Variants in USP4 observed in about 807,000 individuals in gnomAD.
The protein encoded by USP4 is ubiquitin carboxyl-terminal hydrolase 4.
Under a neutral mutation model 118.2 loss-of-function variants are expected in USP4, and 72 were observed. The observed-to-expected ratio is 0.61, with a 90% confidence interval of 0.50 to 0.74. The LOEUF (loss-of-function observed/expected upper bound fraction) is 0.74, where lower values mean the gene tolerates loss of function less well. USP4 is among the 30% of genes least tolerant of loss of function. USP4 has a pLI of 0.00. For synonymous variants in USP4, 415 were observed against 440.4 expected (o/e 0.94, Z 0.72); for missense variants, 1,037 against 1,185.7 (o/e 0.87, Z 1.84).
At chr3:49,289,955 A>C (rs2047135646) in intron 15 of USP4, among the ~76,000 whole-genome samples, 1 of 152,006 alleles carries the variant, frequency 6.6e-6, no homozygotes, top group South Asian at 2.1e-4. Flanking sequence ...ACAAAAAAGA[A>C]AAAAAAAGAA....
rs1448508661 is a variant in USP4 at position 49,286,263 on chromosome 3, C to CTTCTGT, written c.2029_2034dup (p.Thr677_Glu678dup). Reference sequence around the variant, plus strand: ...TTTCCTGGCTCATCTTCCCCACTGCCTTCTGTTTCTGAAAGCTGCTCTTTG... The same window carrying CTTCTGT: ...TTTCCTGGCTCATCTTCCCCACTGCCTTCTGTTTCTGTTTCTGAAAGCTGCTCTTTG... On this transcript the variant is annotated inframe_insertion, in exon 16 of 22. Coordinates refer to ENST00000265560, the MANE Select transcript of USP4 (RefSeq NM_003363.4). 4 of 1,614,136 alleles carry CTTCTGT rather than the reference C, an allele frequency of 2.5e-6. No homozygotes were observed. In the South Asian group the frequency reaches 4.4e-5, roughly 18 times the overall value.
Position 49,277,366 on chromosome 3 carries a change from T to G in USP4, c.*927A>C. On this transcript the variant is annotated 3_prime_UTR_variant, in exon 22 of 22. Transcript: ENST00000265560. ...CCGCGGTGGGAGTGGGGACGGGGCT[T>G]TCGAATGGGGGCCCCGGGAAGAGTC... is the stretch of plus-strand genomic sequence containing the variant. 1 of 646,364 alleles carries G rather than the reference T, an allele frequency of 1.5e-6. No homozygotes were observed. Among genetic ancestry groups the G allele is most frequent in the Non-Finnish European group, 2.3e-6 (1 of 443,226 alleles). The allele number at this position is 646,364 out of a possible 1,614,324, so 40.0% of individuals were successfully genotyped here.
intron 20 of USP4, among the ~76,000 whole-genome samples, chr3:49,279,866 C>T (rs538643490): frequency 6.6e-6 from 1 of 152,252 alleles, no homozygotes; most frequent in South Asian, 2.1e-4. Flanking sequence ...AACTGTAGGC[C>T]CAATGTGGAC....
chr3:49,307,093 A>G (rs1481425095), intron 8 of USP4, among the ~76,000 whole-genome samples: 2 of 152,164 alleles, frequency 1.3e-5, no homozygotes, highest in African/African-American at 4.8e-5. Context: ...TCAAAACCCA[A>G]GGGTTATCTA....
At chr3:49,312,371 C>A in intron 6 of USP4, 1 of 409,456 alleles carries the variant, frequency 2.4e-6, no homozygotes, top group Non-Finnish European at 4.9e-6. Context: ...CGCCTGTCAT[C>A]CCAGCCACTC....
intron 6 of USP4, among the ~76,000 whole-genome samples, chr3:49,315,101 T>C (rs62259898): frequency 6.6e-6 from 1 of 151,260 alleles, no homozygotes. Flanking sequence ...CACAGTAAGA[T>C]TTAAAAAAAA....
intron 6 of USP4, among the ~76,000 whole-genome samples, chr3:49,323,070 C>A (rs191517950): frequency 4.0e-4 from 60 of 151,054 alleles, no homozygotes; most frequent in Non-Finnish European, 7.2e-4. Context: ...CGGGTTCAAG[C>A]GATTCTCCTG....
intron 4 of USP4, 36 bp from the exon 5 acceptor site, chr3:49,325,075 C>G: frequency 1.2e-6 from 2 of 1,602,726 alleles, no homozygotes; most frequent in Non-Finnish European, 1.7e-6. Context: ...GGGGCTTTGT[C>G]CACATGCAAG....
intron 1 of USP4, 108 bp downstream of exon 1, chr3:49,339,816 G>A: frequency 1.2e-6 from 1 of 839,862 alleles, no homozygotes; most frequent in Non-Finnish European, 1.9e-6. Flanking sequence ...ACTCTTCCAG[G>A]GTCACTACAT....
At position 49,339,959 on chromosome 3, in the gene USP4, G is replaced by C. The variant is rs1368243543; in HGVS notation, c.66C>G (p.Pro22=). Residue 22 remains proline, a synonymous_variant, in exon 1 of 22, where the codon CCC becomes CCG. Transcript: ENST00000265560. ...DAETQKSELG[P]LMRTTLQRGA... Reference sequence around the variant, plus strand: ...CGCGTTGGAGTGTGGTCCTCATTAAGGGTCCAAGCTCGGACTTCTGAGTCT... The same window carrying C: ...CGCGTTGGAGTGTGGTCCTCATTAACGGTCCAAGCTCGGACTTCTGAGTCT... The C allele has an allele frequency of 1.2e-6, 2 of 1,613,008 alleles. No homozygotes were observed. Among genetic ancestry groups the C allele is most frequent in the East Asian group, 2.2e-5 (1 of 44,862 alleles).
In USP4 at chr3:49,284,021, C is replaced by G. The variant is rs1278014419; in HGVS notation, c.2506G>C (p.Asp836His). The change falls in exon 19 of 22, where the codon GAT (aspartate) becomes CAT (histidine). Residue 836 changes from aspartate (D) to histidine (H), a missense_variant. Physicochemically the swap from Asp to His is moderately conservative, Grantham distance 81. Coordinates refer to ENST00000265560, the MANE Select transcript of USP4 (RefSeq NM_003363.4). ...KRFSYNRYWR[D>H]KLDTVVEFPI... Reference sequence around the variant, plus strand: ...AATTCTACGACTGTGTCGAGCTTATCCCTCCAGTATCTGTTGTAGGAGAAA... The same window carrying G: ...AATTCTACGACTGTGTCGAGCTTATGCCTCCAGTATCTGTTGTAGGAGAAA... The G allele has an allele frequency of 3.1e-6, 5 of 1,614,148 alleles. No individual in the cohort carries two copies. The highest frequency in any genetic ancestry group is 4.2e-6 in the Non-Finnish European group (5 of 1,180,060).
At chr3:49,328,733 G>A (rs2047582793) in intron 2 of USP4, among the ~76,000 whole-genome samples, 2 of 149,224 alleles carry the variant, frequency 1.3e-5, no homozygotes, top group Non-Finnish European at 3.0e-5. Context: ...GGTGATGCAT[G>A]CCTGTAGTCC....
intron 8 of USP4, among the ~76,000 whole-genome samples, chr3:49,308,664 G>T (rs1426968289): frequency 2.0e-5 from 3 of 151,804 alleles, no homozygotes; most frequent in African/African-American, 2.4e-5. Flanking sequence ...AATTCTGGAC[G>T]CTGAAGCTCA....
At chr3:49,326,995 T>C (rs2047562728) in intron 3 of USP4, among the ~76,000 whole-genome samples, 1 of 152,062 alleles carries the variant, frequency 6.6e-6, no homozygotes, top group Non-Finnish European at 1.5e-5. Flanking sequence ...CCACTGCGCC[T>C]AGCTCAAAGA....
At chr3:49,326,272 G>A (rs935505758) in intron 3 of USP4, among the ~76,000 whole-genome samples, 2 of 151,900 alleles carry the variant, frequency 1.3e-5, no homozygotes, top group African/African-American at 2.4e-5. Context: ...AGCCAAGATC[G>A]CTCCACTGCA....
intron 16 of USP4, among the ~76,000 whole-genome samples, chr3:49,285,493 A>G (rs1430262752): frequency 6.6e-6 from 1 of 152,160 alleles, no homozygotes; most frequent in Non-Finnish European, 1.5e-5. Flanking sequence ...ACAAACTACA[A>G]ATATTAGCTG....
At chr3:49,317,530 T>G in intron 6 of USP4, 1 of 605,036 alleles carries the variant, frequency 1.7e-6, no homozygotes, top group South Asian at 2.0e-5. Flanking sequence ...TTGTTTTGTT[T>G]TTTGTTTGTT....
intron 6 of USP4, chr3:49,318,627 G>A (rs576757341): frequency 1.3e-5 from 13 of 985,386 alleles, no homozygotes; most frequent in Middle Eastern, 5.2e-4. Context: ...ATAAACAACC[G>A]GCCAGGTGTG....
Position 49,284,840 on chromosome 3 carries a change from G to A in USP4, c.2271+9C>T, listed in dbSNP as rs572298937. ...AGACACCACCGACCACGAACCCCGAGGGACCTACCTCAGATTCTTGCTCAT... is the reference window on the plus strand; with the variant it reads ...AGACACCACCGACCACGAACCCCGAAGGACCTACCTCAGATTCTTGCTCAT... On this transcript the variant is annotated intron_variant, in intron 17 of 21. Transcript: ENST00000265560. The A allele has an allele frequency of 6.2e-6, 10 of 1,613,428 alleles. No homozygotes were observed. The highest frequency in any genetic ancestry group is 1.6e-4 in the Middle Eastern group (1 of 6,062).
Sources: gnomAD v4.1 joint callset for allele counts (sites outside exome capture counted in the v4.1 genomes callset) on GRCh38, gnomAD v4.1.1 for gene constraint, MANE v1.5 for transcripts, NCBI Gene and HGNC (gene_info 2026-07-23, HGNC 2026-07-21) for gene names.